Variants in HAS3 observed in about 807,000 individuals in gnomAD.
The protein encoded by HAS3 is hyaluronan synthase 3, also known as HA synthase 3.
In HAS3, 27 loss-of-function variants were observed where a neutral mutation model predicts 50.3. That is an observed-to-expected ratio of 0.54 (90% confidence interval 0.40 to 0.74). HAS3 has a LOEUF of 0.74. Among genes scored for constraint, HAS3 ranks in the 30% least tolerant of loss-of-function variants. The pLI, the probability that HAS3 is intolerant of heterozygous loss-of-function variation, is 0.00. For synonymous variants in HAS3, 339 were observed against 310.9 expected (o/e 1.09, Z -0.95); for missense variants, 517 against 742.8 (o/e 0.70, Z 3.53).
chr16:69,083,509 C>T, the HAS3 span: 1 of 1,612,274 alleles, frequency 6.2e-7, no homozygotes, highest in Non-Finnish European at 8.5e-7. Flanking sequence ...CCTCAAGGAT[C>T]TCTACCACCT....
Position 69,107,628 on chromosome 16 carries a change from C to T in HAS3, c.1-1768C>T, listed in dbSNP as rs946117328. The T allele has an allele frequency of 1.3e-5, 13 of 985,384 alleles. No homozygotes were observed. In the African/African-American group the frequency reaches 2.1e-4, roughly 16 times the overall value. The allele number at this position is 985,384 out of a possible 1,614,324, so 61.0% of individuals were successfully genotyped here. A position where few individuals can be genotyped will look rare whatever the true frequency, so the allele number is the denominator to read the frequency against. On this transcript the variant is annotated intron_variant, in intron 1 of 3. Transcript: ENST00000569188. This position sits in a 1 kb window ranked among gnomAD's most constrained non-coding sequence, Gnocchi z 5.5. ...GCCAGCGCCCAGGTTGCTGGGCTGG[C>T]CTTGGCGCCCCCTTCCCCTACCCAG...
chr16:69,100,700 G>A (rs1285988965), upstream of HAS3, among the ~76,000 whole-genome samples: 3 of 152,188 alleles, frequency 2.0e-5, no homozygotes, highest in Non-Finnish European at 4.4e-5. Flanking sequence ...TCCGGCACTG[G>A]TGATGACAGA....
chr16:69,116,612 C>T lies in HAS3; in HGVS notation c.*1346C>T. 1 of 985,538 alleles carries T rather than the reference C, an allele frequency of 1.0e-6. No homozygotes were observed. The highest frequency in any genetic ancestry group is 1.2e-6 in the Non-Finnish European group (1 of 829,912). The allele number at this position is 985,538 out of a possible 1,614,324, so 61.0% of individuals were successfully genotyped here. The stretch of plus-strand genomic sequence containing the variant: ...GCATTTGCCTGCTTCTTTCCAGAAA[C>T]CAAACTAGGAGATGAAACTGGTTCC... On this transcript the variant is annotated 3_prime_UTR_variant, in exon 4 of 4. Coordinates refer to ENST00000569188, the MANE Select transcript of HAS3 (RefSeq NM_001199280.2).
At chr16:69,085,467 C>T in the HAS3 span, among the ~76,000 whole-genome samples, 8 of 152,240 alleles carry the variant, frequency 5.3e-5, no homozygotes, top group South Asian at 4.1e-4. Flanking sequence ...GGTCTCACTA[C>T]GTTGCCCAGG....
chr16:69,096,241 G>A, the HAS3 span, among the ~76,000 whole-genome samples: 3 of 144,272 alleles, frequency 2.1e-5, no homozygotes, highest in Non-Finnish European at 3.0e-5. Context: ...AAAAAGAATT[G>A]TGGGGACATG....
intron 2 of HAS3, 53 bp from the exon 3 acceptor site, chr16:69,113,388 C>G (rs1961072226): frequency 8.7e-7 from 1 of 1,149,216 alleles, no homozygotes; most frequent in South Asian, 1.2e-5. Flanking sequence ...GGGTGGGGGA[C>G]AGGGTGTGCA....
the HAS3 span, among the ~76,000 whole-genome samples, chr16:69,096,613 A>ATTT: frequency 4.2e-4 from 43 of 101,300 alleles, 1 homozygote; most frequent in African/African-American, 1.5e-3. Context: ...CCCAACACCA[A>ATTT]TTTTTTTTTT....
downstream of HAS3, chr16:69,118,623 G>A (rs905886914): frequency 3.3e-5 from 23 of 704,650 alleles, no homozygotes; most frequent in Admixed American, 6.0e-5. Flanking sequence ...GGAGGCTGGA[G>A]ATCCTTTCTC....
chr16:69,103,003 A>ATGTGTGTGTGTGTGTGTG (rs35175934), upstream of HAS3, among the ~76,000 whole-genome samples: 4 of 138,784 alleles, frequency 2.9e-5, no homozygotes, highest in South Asian at 8.0e-4. Context: ...TGGAGTGTGC[A>ATGTGTGTGTGTGTGTGTG]TGTGTGTGTG....
upstream of HAS3, among the ~76,000 whole-genome samples, chr16:69,104,273 T>TCTTTA: frequency 6.7e-6 from 1 of 148,558 alleles, no homozygotes; most frequent in Non-Finnish European, 1.5e-5. Flanking sequence ...TTTTTTTTTT[T>TCTTTA]CTTTTCTTTT....
At chr16:69,105,150 G>A (rs1420877680), upstream of HAS3, among the ~76,000 whole-genome samples, 5 of 151,762 alleles carry the variant, frequency 3.3e-5, no homozygotes, top group African/African-American at 1.2e-4. Flanking sequence ...TGGGATTACG[G>A]GCATGGTGCC....
upstream of HAS3, among the ~76,000 whole-genome samples, chr16:69,103,385 A>C (rs1960715962): frequency 1.3e-5 from 2 of 152,104 alleles, no homozygotes; most frequent in African/African-American, 4.8e-5. Context: ...CAAGAGAGAC[A>C]AGACATTTTT....
rs943779923 is a variant in HAS3, at chr16:69,109,563, G to A, written c.168G>A (p.Leu56=). 3 of 1,613,578 alleles carry A rather than the reference G, an allele frequency of 1.9e-6. No homozygotes were observed. The African/African-American group carries it at 4.0e-5, about 22-fold the overall frequency. Residue 56 remains leucine, a synonymous_variant, in exon 2 of 4, where the codon CTG becomes CTA. Coordinates refer to ENST00000569188, the MANE Select transcript of HAS3 (RefSeq NM_001199280.2). The surrounding 1 kb of genome is among the most constrained non-coding windows in gnomAD (Gnocchi z 5.3). ...GLYGAILGLH[L]LIQSLFAFLE... The stretch of plus-strand genomic sequence containing the variant: ...ACGGCGCCATCCTGGGCCTGCACCT[G>A]CTCATTCAGAGCCTTTTTGCCTTCC...
rs1960782964 is a variant in HAS3, at chr16:69,106,136, A to G, written c.-1+349A>G. 6.6e-6 allele frequency: 1 copy of G among 151,842 alleles called. No individual in the cohort carries two copies. The highest frequency in any genetic ancestry group is 1.5e-5 in the Non-Finnish European group (1 of 67,918). The allele number at this position is 151,842 out of a possible 1,614,324, so 9.4% of individuals were successfully genotyped here. A position where few individuals can be genotyped will look rare whatever the true frequency, so the allele number is the denominator to read the frequency against. On this transcript the variant is annotated intron_variant, in intron 1 of 3. Transcript: ENST00000569188. The surrounding 1 kb of genome is among the most constrained non-coding windows in gnomAD (Gnocchi z 5.5). ...CGCGGGGGCCCTCCCACTCTGGTCA[A>G]CTTTCCCGGCCCCAGGGCCGGGGGA...
the HAS3 span, among the ~76,000 whole-genome samples, chr16:69,100,149 C>T: frequency 6.6e-6 from 1 of 152,184 alleles, no homozygotes; most frequent in African/African-American, 2.4e-5. Flanking sequence ...CTTCTTCAAA[C>T]ATAGCACCTG....
chr16:69,116,790 C>G lies in HAS3; in HGVS notation c.*1524C>G. The G allele has an allele frequency of 1.0e-6, 1 of 985,374 alleles. No homozygotes were observed. The highest frequency in any genetic ancestry group is 1.2e-6 in the Non-Finnish European group (1 of 829,910). The allele number at this position is 985,374 out of a possible 1,614,324, so 61.0% of individuals were successfully genotyped here. A position where few individuals can be genotyped will look rare whatever the true frequency, so the allele number is the denominator to read the frequency against. On this transcript the variant is annotated 3_prime_UTR_variant, in exon 4 of 4. Coordinates refer to ENST00000569188, the MANE Select transcript of HAS3 (RefSeq NM_001199280.2). ...CGTTTTGAGTTTAAAACCTGGGATC[C>G]TGACTAAGCCTTTGACTTAAGGGTT...
Position 69,116,806 on chromosome 16 carries a change from C to T in HAS3, c.*1540C>T. The T allele has an allele frequency of 2.0e-6, 2 of 985,426 alleles. No homozygotes were observed. The highest frequency in any genetic ancestry group is 2.4e-6 in the Non-Finnish European group (2 of 829,934). 61.0% of individuals were successfully genotyped at this position (985,426 alleles called of 1,614,324 possible). On this transcript the variant is annotated 3_prime_UTR_variant, in exon 4 of 4. Coordinates refer to ENST00000569188, the MANE Select transcript of HAS3 (RefSeq NM_001199280.2). Reference sequence around the variant, plus strand: ...CCTGGGATCCTGACTAAGCCTTTGACTTAAGGGTTGCTTGCTTGCCCTCCA... The same window carrying T: ...CCTGGGATCCTGACTAAGCCTTTGATTTAAGGGTTGCTTGCTTGCCCTCCA...
chr16:69,114,497 T>A lies in HAS3; in HGVS notation c.893T>A (p.Phe298Tyr). Residue 298 changes from phenylalanine (F) to tyrosine (Y), a missense_variant, in exon 4 of 4, where the codon TTC (phenylalanine) becomes TAC (tyrosine). By Grantham distance (22) the Phe-to-Tyr change is conservative. Transcript: ENST00000569188. The surrounding 1 kb of genome is among the most constrained non-coding windows in gnomAD (Gnocchi z 6.4). ...TACCGCAACAGCCTCCTCCAGCAGT[T>A]CCTGGAGGACTGGTACCATCAGAAG... ...GMYRNSLLQQ[F>Y]LEDWYHQKFL... 1 of 1,614,052 alleles carries A rather than the reference T, an allele frequency of 6.2e-7. No homozygotes were observed. The highest frequency in any genetic ancestry group is 8.5e-7 in the Non-Finnish European group (1 of 1,179,986).
rs555101856 is a variant in HAS3 at position 69,116,281 on chromosome 16, T to C, written c.*1015T>C. The C allele has an allele frequency of 3.3e-5, 33 of 985,764 alleles. No individual in the cohort carries two copies. The highest frequency in any genetic ancestry group is 2.8e-4 in the South Asian group (6 of 21,288). The allele number at this position is 985,764 out of a possible 1,614,324, so 61.1% of individuals were successfully genotyped here. A position where few individuals can be genotyped will look rare whatever the true frequency, so the allele number is the denominator to read the frequency against. ...ATAGGTAAGGTTTTCAAGGTGGCAA[T>C]TGGGGCGGAGCCCCGGCTCTTATAG... On this transcript the variant is annotated 3_prime_UTR_variant, in exon 4 of 4. Coordinates refer to ENST00000569188, the MANE Select transcript of HAS3 (RefSeq NM_001199280.2).
Sources: allele counts gnomAD v4.1 joint callset (sites outside exome capture counted in the v4.1 genomes callset), GRCh38; gene constraint gnomAD v4.1.1; non-coding constraint Gnocchi (gnomAD v3.1); transcripts MANE v1.5; gene names NCBI Gene and HGNC (gene_info 2026-07-23, HGNC 2026-07-21).